The following ADAM10 variants were observed in gnomAD, a reference collection of about 807,000 sequenced individuals.
ADAM10 encodes the protein disintegrin and metalloproteinase domain-containing protein 10.
Under a neutral mutation model 90.1 loss-of-function variants are expected in ADAM10, and 17 were observed. The ratio of observed to expected loss-of-function variants is 0.19; its 90% CI spans 0.13 to 0.28. ADAM10 has a LOEUF of 0.28. Ranked by LOEUF, ADAM10 falls within the 10% of genes least tolerant of loss-of-function variation. The pLI, the probability that ADAM10 is intolerant of heterozygous loss-of-function variation, is 1.00. For synonymous variants in ADAM10, 310 were observed against 298.6 expected (o/e 1.04, Z -0.40); for missense variants, 610 against 914.3 (o/e 0.67, Z 4.29).
intron 14 of ADAM10, among the ~76,000 whole-genome samples, chr15:58,606,307 C>T (rs1266168726): frequency 1.3e-5 from 2 of 152,206 alleles, no homozygotes; most frequent in Admixed American, 1.3e-4. Flanking sequence ...GCAGCAACAG[C>T]GATCTGCCAA....
intron 10 of ADAM10, among the ~76,000 whole-genome samples, chr15:58,624,381 T>C (rs1895876987): frequency 1.3e-5 from 2 of 152,236 alleles, no homozygotes; most frequent in South Asian, 4.1e-4. Context: ...AGTAATAATT[T>C]TATAATTCAC....
Position 58,620,730 on chromosome 15 carries a change from G to A in ADAM10, c.1511+741C>T, listed in dbSNP as rs1323122651. ...AGGCCGGACTGCGGACTGCAGTGGCGCAATCTCGGCTCACTGCAAGCTCCG... is the reference window on the plus strand; with the variant it reads ...AGGCCGGACTGCGGACTGCAGTGGCACAATCTCGGCTCACTGCAAGCTCCG... On this transcript the variant is annotated intron_variant, in intron 11 of 15. Coordinates refer to ENST00000260408, the MANE Select transcript of ADAM10 (RefSeq NM_001110.4). Among the ~76,000 whole-genome samples the A allele has an allele frequency of 7.5e-5, 3 of 39,836 alleles. 1 individual carries two copies. Among genetic ancestry groups the A allele is most frequent in the East Asian group, 0.062 (2 of 32 alleles). 26.1% of individuals were successfully genotyped at this position (39,836 alleles called of 152,430 possible).
At position 58,742,928 on chromosome 15, in the gene ADAM10, G is replaced by A. The variant is rs574823009; in HGVS notation, c.55+6552C>T. On this transcript the variant is annotated intron_variant, in intron 1 of 15. Coordinates refer to ENST00000260408, the MANE Select transcript of ADAM10 (RefSeq NM_001110.4). Reference sequence around the variant, plus strand: ...CAAAAAATTAACCAGGCATGGTGGCGTGTGCCTGTGGTCCCAGCTATGGAG... The same window carrying A: ...CAAAAAATTAACCAGGCATGGTGGCATGTGCCTGTGGTCCCAGCTATGGAG... 2.6e-5 allele frequency among the ~76,000 whole-genome samples: 4 copies of A among 152,254 alleles called. No individual in the cohort carries two copies. In the South Asian group the frequency reaches 6.2e-4, roughly 24 times the overall value.
chr15:58,693,383 T>C (rs1897885308), intron 2 of ADAM10, among the ~76,000 whole-genome samples: 1 of 152,130 alleles, frequency 6.6e-6, no homozygotes, highest in Non-Finnish European at 1.5e-5. Flanking sequence ...ACCATAAAGC[T>C]ACAGTAACCA....
chr15:58,640,651 C>G (rs941884771), intron 8 of ADAM10, 126 bp downstream of exon 8: 9 of 924,748 alleles, frequency 9.7e-6, no homozygotes, highest in Admixed American at 2.2e-5. Flanking sequence ...TTGCCTAACT[C>G]AAGTAGCATA....
At chr15:58,665,872 G>A (rs527687229) in intron 4 of ADAM10, among the ~76,000 whole-genome samples, 46 of 151,970 alleles carry the variant, frequency 3.0e-4, no homozygotes, top group Middle Eastern at 6.8e-3. Context: ...CATGACTGAT[G>A]ACATCATTCA....
At chr15:58,712,959 C>G (rs1485281315) in intron 2 of ADAM10, among the ~76,000 whole-genome samples, 1 of 152,162 alleles carries the variant, frequency 6.6e-6, no homozygotes, top group African/African-American at 2.4e-5. Flanking sequence ...AAATTTCGAA[C>G]AAAAATCCTG....
intron 1 of ADAM10, among the ~76,000 whole-genome samples, chr15:58,743,172 T>C (rs1178801684): frequency 6.6e-6 from 1 of 152,130 alleles, no homozygotes; most frequent in Non-Finnish European, 1.5e-5. Context: ...TTGGAAGGCC[T>C]GCCCCTGTGA....
At chr15:58,606,443 CT>C (rs1261389898) in intron 14 of ADAM10, among the ~76,000 whole-genome samples, 1 of 152,220 alleles carries the variant, frequency 6.6e-6, no homozygotes, top group African/African-American at 2.4e-5. Context: ...AAGTTTTACT[CT>C]TTTCCATATA....
At chr15:58,672,698 A>G (rs1251460283) in intron 4 of ADAM10, 2 of 151,800 alleles carry the variant, frequency 1.3e-5, no homozygotes, top group African/African-American at 4.9e-5. Context: ...TGCATATGAC[A>G]AGCAGCCTTA....
At chr15:58,728,320 T>C (rs1899108909) in intron 1 of ADAM10, among the ~76,000 whole-genome samples, 1 of 152,238 alleles carries the variant, frequency 6.6e-6, no homozygotes, top group Non-Finnish European at 1.5e-5. Context: ...ATAAATGTTC[T>C]ATGATTATGG....
At chr15:58,721,845 T>C (rs1211896688) in intron 1 of ADAM10, among the ~76,000 whole-genome samples, 4 of 151,968 alleles carry the variant, frequency 2.6e-5, no homozygotes, top group East Asian at 1.9e-4. Flanking sequence ...CTGGCCAACA[T>C]GGTGAAACCC....
At chr15:58,646,725 T>C (rs1475836912) in intron 5 of ADAM10, among the ~76,000 whole-genome samples, 1 of 152,372 alleles carries the variant, frequency 6.6e-6, no homozygotes, top group Admixed American at 6.5e-5. Context: ...AATTTGAATA[T>C]GTCATCCACC....
At chr15:58,689,739 A>G (rs1317332515) in intron 2 of ADAM10, among the ~76,000 whole-genome samples, 1 of 152,110 alleles carries the variant, frequency 6.6e-6, no homozygotes. Context: ...GGTACAAATT[A>G]TGAAAACTAT....
intron 14 of ADAM10, 38 bp downstream of exon 14, chr15:58,610,259 C>A: frequency 2.5e-6 from 4 of 1,576,986 alleles, no homozygotes; most frequent in Non-Finnish European, 3.5e-6. Flanking sequence ...AAGATCAAAC[C>A]ACTTTAAGTT....
chr15:58,659,164 T>G (rs1896908077), intron 5 of ADAM10, among the ~76,000 whole-genome samples: 1 of 151,804 alleles, frequency 6.6e-6, no homozygotes, highest in Non-Finnish European at 1.5e-5. Flanking sequence ...TCCCAGCTAC[T>G]CAGGAAGCTG....
chr15:58,683,193 A>G (rs1897487841), intron 2 of ADAM10, among the ~76,000 whole-genome samples: 1 of 152,248 alleles, frequency 6.6e-6, no homozygotes, highest in African/African-American at 2.4e-5. Flanking sequence ...CAACTCTGTT[A>G]AAAGTATATC....
chr15:58,625,758 T>G (rs1186956941), intron 10 of ADAM10, among the ~76,000 whole-genome samples: 1 of 152,234 alleles, frequency 6.6e-6, no homozygotes, highest in Non-Finnish European at 1.5e-5. Flanking sequence ...ACAGCCCAGA[T>G]GTCTTTCAAA....
chr15:58,610,189 C>A lies in ADAM10; in HGVS notation c.2025+108G>T, dbSNP rs1294310405. On this transcript the variant is annotated intron_variant, in intron 14 of 15. Coordinates refer to ENST00000260408, the MANE Select transcript of ADAM10 (RefSeq NM_001110.4). ...TTAAAAATCTTCATATAAAGTAATT[C>A]TAATATAAATAGTTAAGTTGTTTTC... The A allele has an allele frequency of 9.2e-6, 8 of 871,070 alleles. No homozygotes were observed. The South Asian group carries it at 1.0e-4, about 11-fold the overall frequency. The allele number at this position is 871,070 out of a possible 1,614,324, so 54.0% of individuals were successfully genotyped here. A position where few individuals can be genotyped will look rare whatever the true frequency, so the allele number is the denominator to read the frequency against.
Sources: allele counts gnomAD v4.1 joint callset (sites outside exome capture counted in the v4.1 genomes callset), GRCh38; gene constraint gnomAD v4.1.1; transcripts MANE v1.5; gene names NCBI Gene and HGNC (gene_info 2026-07-23, HGNC 2026-07-21).